GRID1: variants seen among roughly 807,000 people sequenced by gnomAD.
The protein encoded by GRID1 is glutamate ionotropic receptor delta type subunit 1, also known as glutamate receptor ionotropic, delta-1.
GRID1 carries 28 observed loss-of-function variants against 98.0 expected under a neutral mutation model. That is an observed-to-expected ratio of 0.29 (90% confidence interval 0.21 to 0.39). The LOEUF (loss-of-function observed/expected upper bound fraction) is 0.39, where lower values mean the gene tolerates loss of function less well. Ranked by LOEUF, GRID1 falls within the 10% of genes least tolerant of loss-of-function variation. The pLI is 1.00. For missense variants in GRID1, 1,111 were observed against 1,340.5 expected, an observed-to-expected ratio of 0.83 and a Z score of 2.67; for synonymous variants, 553 against 538.5, an observed-to-expected ratio of 1.03 and a Z score of -0.37.
intron 8 of GRID1, among the ~76,000 whole-genome samples, chr10:85,759,499 T>C (rs143198920): frequency 6.6e-6 from 1 of 152,346 alleles, no homozygotes; most frequent in Admixed American, 6.5e-5. Flanking sequence ...CCTCTTGGAA[T>C]ATATCTCTCT....
In GRID1 at chr10:85,954,558, G is replaced by A. The variant is rs186619335; in HGVS notation, c.727-38319C>T. 1.8e-3 allele frequency among the ~76,000 whole-genome samples: 268 copies of A among 152,216 alleles called. 1 individual carries two copies. The highest frequency in any genetic ancestry group is 6.0e-3 in the African/African-American group (249 of 41,516). Reference sequence around the variant, plus strand: ...TTATAAAAGGAATCATTATAAAAGGGCCAAAGATAGATGGCCCTTGATATA... The same window carrying A: ...TTATAAAAGGAATCATTATAAAAGGACCAAAGATAGATGGCCCTTGATATA... On this transcript the variant is annotated intron_variant, in intron 4 of 15. Coordinates refer to ENST00000327946, the MANE Select transcript of GRID1 (RefSeq NM_017551.3).
At chr10:86,298,703 A>C (rs1258207959) in intron 2 of GRID1, among the ~76,000 whole-genome samples, 1 of 150,502 alleles carries the variant, frequency 6.6e-6, no homozygotes, top group African/African-American at 2.4e-5. Flanking sequence ...TCTCAATCCC[A>C]CTCCACCCCT....
chr10:86,062,701 C>T (rs1457087541), intron 4 of GRID1, among the ~76,000 whole-genome samples: 1 of 152,226 alleles, frequency 6.6e-6, no homozygotes, highest in East Asian at 1.9e-4. Context: ...TCATATCCCA[C>T]CAGTCATGTG....
chr10:85,804,865 G>C (rs1466548195), intron 8 of GRID1, among the ~76,000 whole-genome samples: 3 of 151,506 alleles, frequency 2.0e-5, no homozygotes, highest in Non-Finnish European at 4.4e-5. Flanking sequence ...AATAAAACCT[G>C]AATACTTTCT....
intron 4 of GRID1, among the ~76,000 whole-genome samples, chr10:86,102,095 T>G (rs1189157983): frequency 1.3e-5 from 2 of 152,198 alleles, no homozygotes; most frequent in Admixed American, 1.3e-4. Flanking sequence ...GACCAGGAAG[T>G]GTGTTCGCCC....
At chr10:86,330,797 C>T (rs766914963) in intron 2 of GRID1, among the ~76,000 whole-genome samples, 17 of 152,208 alleles carry the variant, frequency 1.1e-4, no homozygotes, top group Non-Finnish European at 2.2e-4. Context: ...AGGAGCAGCA[C>T]GTCCAGGAAG....
At chr10:85,944,378 G>A (rs997748631) in intron 4 of GRID1, among the ~76,000 whole-genome samples, 3 of 152,102 alleles carry the variant, frequency 2.0e-5, no homozygotes, top group Non-Finnish European at 4.4e-5. Flanking sequence ...CCCTCGAATT[G>A]ACAAAAATGA....
At chr10:85,926,213 G>A (rs867868315) in intron 4 of GRID1, among the ~76,000 whole-genome samples, 2 of 152,254 alleles carry the variant, frequency 1.3e-5, no homozygotes, top group African/African-American at 4.8e-5. Context: ...GGGAGAAGAG[G>A]TGGATGGTGC....
At chr10:86,228,236 C>G in intron 2 of GRID1, among the ~76,000 whole-genome samples, 1 of 126,446 alleles carries the variant, frequency 7.9e-6, no homozygotes, top group Non-Finnish European at 1.6e-5. Context: ...TGGATGTGTA[C>G]ATGGGTGGAT....
At chr10:86,236,229 T>C (rs1589421442) in intron 2 of GRID1, among the ~76,000 whole-genome samples, 1 of 152,242 alleles carries the variant, frequency 6.6e-6, no homozygotes, top group East Asian at 1.9e-4. Context: ...GCCCATTTTG[T>C]ATTGGGTGGC....
rs557071416 is a variant in GRID1, at chr10:86,214,416, C to T, written c.236-7768G>A. ...ATTCCCTCTAGAGAACCTTCCACAC[C>T]GTCCCCAGTCTTCCCTCACCATGGT... On this transcript the variant is annotated intron_variant, in intron 2 of 15. Transcript: ENST00000327946. Among the ~76,000 whole-genome samples, 69 of 152,314 alleles carry T rather than the reference C, an allele frequency of 4.5e-4. 2 individuals carry two copies. In the South Asian group the frequency reaches 0.013, roughly 29 times the overall value.
intron 4 of GRID1, among the ~76,000 whole-genome samples, chr10:86,025,458 C>A (rs1489890078): frequency 6.6e-6 from 1 of 152,172 alleles, no homozygotes; most frequent in African/African-American, 2.4e-5. Context: ...GAATTGGCTT[C>A]CCCCTTGTAG....
chr10:85,637,288 G>A (rs980756472), intron 13 of GRID1, among the ~76,000 whole-genome samples: 1 of 152,210 alleles, frequency 6.6e-6, no homozygotes, highest in Admixed American at 6.5e-5. Context: ...GGAACTTATT[G>A]CATGTAAATC....
At chr10:86,037,694 T>C (rs1843286203) in intron 4 of GRID1, among the ~76,000 whole-genome samples, 1 of 151,942 alleles carries the variant, frequency 6.6e-6, no homozygotes. Context: ...AATAACCAAG[T>C]TCAAAGAAAT....
At chr10:85,807,523 CATT>C (rs1423967374) in intron 8 of GRID1, among the ~76,000 whole-genome samples, 5 of 151,908 alleles carry the variant, frequency 3.3e-5, no homozygotes, top group African/African-American at 1.2e-4. Context: ...GAAGAACTCT[CATT>C]AATCAGTTAG....
intron 14 of GRID1, among the ~76,000 whole-genome samples, chr10:85,614,667 G>A (rs1419195968): frequency 6.6e-6 from 1 of 152,152 alleles, no homozygotes; most frequent in Non-Finnish European, 1.5e-5. Context: ...AATGGCCAGT[G>A]AGACTATTGG....
intron 4 of GRID1, among the ~76,000 whole-genome samples, chr10:86,017,599 C>T (rs1045245636): frequency 1.3e-5 from 2 of 152,210 alleles, no homozygotes; most frequent in African/African-American, 4.8e-5. Flanking sequence ...GCCCATTTGG[C>T]TGTATTGGCC....
chr10:85,723,164 A>C (rs753693395), intron 11 of GRID1, 23 bp from the exon 12 acceptor site: 1 of 1,591,448 alleles, frequency 6.3e-7, no homozygotes, highest in South Asian at 1.2e-5. Flanking sequence ...GACAAAGTGG[A>C]TTGGCCAGTG....
chr10:85,683,587 A>G (rs1841235274), intron 12 of GRID1, among the ~76,000 whole-genome samples: 1 of 152,214 alleles, frequency 6.6e-6, no homozygotes, highest in African/African-American at 2.4e-5. Flanking sequence ...TTGTAAAGAA[A>G]ATTGCCATGA....
Sources: gnomAD v4.1 joint callset for allele counts (sites outside exome capture counted in the v4.1 genomes callset) on GRCh38, gnomAD v4.1.1 for gene constraint, MANE v1.5 for transcripts, NCBI Gene and HGNC (gene_info 2026-07-23, HGNC 2026-07-21) for gene names.